The following MSI2 variants were observed in gnomAD, a reference collection of about 807,000 sequenced individuals.
MSI2 encodes the protein musashi RNA binding protein 2.
Under a neutral mutation model 45.6 loss-of-function variants are expected in MSI2, and 17 were observed. The ratio of observed to expected loss-of-function variants is 0.37; its 90% CI spans 0.26 to 0.56. MSI2 has a LOEUF of 0.56. Among genes scored for constraint, MSI2 ranks in the 20% least tolerant of loss-of-function variants. The pLI, the probability that MSI2 is intolerant of heterozygous loss-of-function variation, is 0.77. For missense variants in MSI2, 293 were observed against 444.2 expected, an observed-to-expected ratio of 0.66 and a Z score of 3.06; for synonymous variants, 156 against 158.2, an observed-to-expected ratio of 0.99 and a Z score of 0.11.
At chr17:57,522,580 A>G (rs1292457766) in intron 6 of MSI2, 1 of 152,260 alleles carries the variant, frequency 6.6e-6, no homozygotes, top group Non-Finnish European at 1.5e-5. Context: ...CAATGCTTCC[A>G]GAGCATCGTC....
At chr17:57,502,548 T>C (rs556970479) in intron 6 of MSI2, among the ~76,000 whole-genome samples, 1 of 144,874 alleles carries the variant, frequency 6.9e-6, no homozygotes, top group Admixed American at 7.2e-5. Context: ...TAGCTGCTAT[T>C]ATTATTGTTG....
chr17:57,426,079 T>C (rs2084486494), intron 6 of MSI2, among the ~76,000 whole-genome samples: 1 of 152,202 alleles, frequency 6.6e-6, no homozygotes, highest in Non-Finnish European at 1.5e-5. Context: ...TGGTTTTGAC[T>C]GAGTGAGATA....
intron 7 of MSI2, among the ~76,000 whole-genome samples, chr17:57,540,645 C>T (rs1429956976): frequency 6.6e-6 from 1 of 152,110 alleles, no homozygotes; most frequent in Non-Finnish European, 1.5e-5. Flanking sequence ...GGGAGATGGC[C>T]ACATGACCTC....
chr17:57,495,532 CAAAAAAAA>C (rs56325646), intron 6 of MSI2, among the ~76,000 whole-genome samples: 1 of 72,620 alleles, frequency 1.4e-5, no homozygotes, highest in Non-Finnish European at 2.4e-5. Flanking sequence ...GACTCTGTCT[CAAAAAAAA>C]AAAAAAAAAA....
intron 6 of MSI2, among the ~76,000 whole-genome samples, chr17:57,402,142 G>A (rs2084004390): frequency 6.6e-6 from 1 of 152,206 alleles, no homozygotes; most frequent in Non-Finnish European, 1.5e-5. Context: ...TGTCACCGTG[G>A]GTGAGGTGTT....
At chr17:57,568,787 G>A (rs1045550038) in intron 7 of MSI2, among the ~76,000 whole-genome samples, 9 of 152,206 alleles carry the variant, frequency 5.9e-5, no homozygotes, top group African/African-American at 2.2e-4. Flanking sequence ...CCTGGTTATC[G>A]TAATGCTTGC....
intron 6 of MSI2, among the ~76,000 whole-genome samples, chr17:57,422,943 A>C (rs918952261): frequency 6.6e-6 from 1 of 152,148 alleles, no homozygotes; most frequent in Non-Finnish European, 1.5e-5. Context: ...AGAAATAGAC[A>C]CTGGTCTCTG....
At chr17:57,516,613 C>T (rs1336850831) in intron 6 of MSI2, among the ~76,000 whole-genome samples, 1 of 152,100 alleles carries the variant, frequency 6.6e-6, no homozygotes, top group African/African-American at 2.4e-5. Flanking sequence ...CTGTGCATGC[C>T]GGGGCTGGAA....
chr17:57,606,888 G>A (rs968917518), intron 8 of MSI2, among the ~76,000 whole-genome samples: 2 of 151,880 alleles, frequency 1.3e-5, no homozygotes, highest in African/African-American at 2.4e-5. Flanking sequence ...TGTGTGAGGT[G>A]GGGTGATGGG....
At chr17:57,580,275 C>T (rs779957622) in intron 7 of MSI2, among the ~76,000 whole-genome samples, 3 of 152,220 alleles carry the variant, frequency 2.0e-5, no homozygotes, top group Non-Finnish European at 2.9e-5. Context: ...GGGAAGGGCT[C>T]CTGCCCCCAC....
In MSI2 at chr17:57,502,703, G is replaced by A. The variant is rs567575375; in HGVS notation, c.406-26973G>A. On this transcript the variant is annotated intron_variant, in intron 6 of 13. Coordinates refer to ENST00000284073, the MANE Select transcript of MSI2 (RefSeq NM_138962.4). ...TAAGCCTTCTAGCATCTAATGCTGG[G>A]TCACTACTGTGATCAGAGGTCCTGA... Among the ~76,000 whole-genome samples, 141 of 145,940 alleles carry A rather than the reference G, an allele frequency of 9.7e-4. 1 individual carries two copies. Among genetic ancestry groups the A allele is most frequent in the Non-Finnish European group, 1.5e-3 (102 of 66,950 alleles).
intron 7 of MSI2, among the ~76,000 whole-genome samples, chr17:57,535,009 G>A (rs2086893058): frequency 6.6e-6 from 1 of 152,218 alleles, no homozygotes; most frequent in Admixed American, 6.5e-5. Flanking sequence ...GGGGCTGGAG[G>A]GGAGGGACAG....
At chr17:57,400,670 T>A (rs2083972586) in intron 5 of MSI2, among the ~76,000 whole-genome samples, 1 of 152,016 alleles carries the variant, frequency 6.6e-6, no homozygotes, top group South Asian at 2.1e-4. Flanking sequence ...CTATTTTGAA[T>A]TTTGGAGAAA....
intron 11 of MSI2, among the ~76,000 whole-genome samples, chr17:57,656,701 C>G (rs920034852): frequency 6.6e-6 from 1 of 152,146 alleles, no homozygotes; most frequent in Admixed American, 6.5e-5. Context: ...GGCACAGTTT[C>G]GTGGAGACAG....
chr17:57,500,224 C>T (rs2086072702), intron 6 of MSI2, among the ~76,000 whole-genome samples: 1 of 151,978 alleles, frequency 6.6e-6, no homozygotes, highest in Non-Finnish European at 1.5e-5. Context: ...AAGTAGTTTG[C>T]CTGCAGTCAC....
At chr17:57,443,861 A>T (rs2084847308) in intron 6 of MSI2, among the ~76,000 whole-genome samples, 1 of 152,214 alleles carries the variant, frequency 6.6e-6, no homozygotes, top group Non-Finnish European at 1.5e-5. Flanking sequence ...TGCCTGGGAC[A>T]GTAAACCTCA....
In MSI2 at chr17:57,285,781, A is replaced by G. The variant is rs562969258; in HGVS notation, c.312+23589A>G. 8.7e-6 allele frequency: 11 copies of G among 1,270,928 alleles called. No individual in the cohort carries two copies. In the East Asian group the frequency reaches 1.9e-4, roughly 22 times the overall value. The allele number at this position is 1,270,928 out of a possible 1,614,324, so 78.7% of individuals were successfully genotyped here. A position where few individuals can be genotyped will look rare whatever the true frequency, so the allele number is the denominator to read the frequency against. ...CTCTATTTTCTTAGCAAGCATCATT[A>G]TATTTTTAGAAATGTTTTCTTTTCT... On this transcript the variant is annotated intron_variant, in intron 5 of 13. Transcript: ENST00000284073.
intron 8 of MSI2, among the ~76,000 whole-genome samples, chr17:57,604,853 A>G (rs945495737): frequency 6.9e-6 from 1 of 145,548 alleles, no homozygotes; most frequent in East Asian, 2.2e-4. Flanking sequence ...GCCACCTGGC[A>G]AGGTGCCCAG....
chr17:57,495,271 G>A (rs1288300088), intron 6 of MSI2, among the ~76,000 whole-genome samples: 2 of 152,138 alleles, frequency 1.3e-5, no homozygotes, highest in Non-Finnish European at 2.9e-5. Flanking sequence ...GGTGGCTCAC[G>A]CCCATAATCC....
Sources: gnomAD v4.1 joint callset for allele counts (sites outside exome capture counted in the v4.1 genomes callset) on GRCh38, gnomAD v4.1.1 for gene constraint, MANE v1.5 for transcripts, NCBI Gene and HGNC (gene_info 2026-07-23, HGNC 2026-07-21) for gene names.